CSNK2A2: variants seen among roughly 807,000 people sequenced by gnomAD.
CSNK2A2 encodes casein kinase 2 alpha 2.
Under a neutral mutation model 54.0 loss-of-function variants are expected in CSNK2A2, and 8 were observed. That is an observed-to-expected ratio of 0.15 (90% CI 0.09 to 0.27). The LOEUF is 0.27. Among genes scored for constraint, CSNK2A2 ranks in the 10% least tolerant of loss-of-function variants. The pLI, the probability that CSNK2A2 is intolerant of heterozygous loss-of-function variation, is 1.00. For missense variants in CSNK2A2, 242 were observed against 439.4 expected, an observed-to-expected ratio of 0.55 and a Z score of 4.02; for synonymous variants, 141 against 153.9, an observed-to-expected ratio of 0.92 and a Z score of 0.62.
At chr16:58,176,544 T>C (rs963402477) in intron 4 of CSNK2A2, among the ~76,000 whole-genome samples, 1 of 152,158 alleles carries the variant, frequency 6.6e-6, no homozygotes, top group Non-Finnish European at 1.5e-5. Context: ...GGCCCAAAAT[T>C]CAAGACTATG....
intron 4 of CSNK2A2, among the ~76,000 whole-genome samples, chr16:58,183,487 T>G (rs1003562272): frequency 2.6e-5 from 4 of 152,152 alleles, no homozygotes; most frequent in African/African-American, 9.7e-5. Context: ...CTAGCTCCTG[T>G]CACAACAAAA....
chr16:58,189,447 C>T (rs1962272373), intron 2 of CSNK2A2, among the ~76,000 whole-genome samples: 1 of 152,188 alleles, frequency 6.6e-6, no homozygotes, highest in African/African-American at 2.4e-5. Flanking sequence ...CTAATTCTAA[C>T]AGTACTCCTA....
chr16:58,168,996 G>A (rs577139089), intron 5 of CSNK2A2, among the ~76,000 whole-genome samples: 3 of 151,402 alleles, frequency 2.0e-5, no homozygotes, highest in East Asian at 2.0e-4. Context: ...GTGCAATCTC[G>A]GCTCACTGCA....
chr16:58,169,357 C>T lies in CSNK2A2; in HGVS notation c.430-664G>A, dbSNP rs534925986. Among the ~76,000 whole-genome samples, 8 of 151,942 alleles carry T rather than the reference C, an allele frequency of 5.3e-5. No homozygotes were observed. The East Asian group carries it at 7.9e-4, about 15-fold the overall frequency. On this transcript the variant is annotated intron_variant, in intron 5 of 11. Coordinates refer to ENST00000262506, the MANE Select transcript of CSNK2A2 (RefSeq NM_001896.4). ...GAGTTCGAGACTAGCCTGGGCAACA[C>T]GGCTATACTAAAAATACAAAAGTTA...
chr16:58,165,771 A>C (rs143547905), intron 9 of CSNK2A2, 63 bp from the exon 10 acceptor site: 1 of 1,542,712 alleles, frequency 6.5e-7, no homozygotes, highest in African/African-American at 1.4e-5. Flanking sequence ...CTTATCTACT[A>C]GGGCTAAAGC....
At chr16:58,163,550 C>T (rs769774697) in intron 11 of CSNK2A2, 8 of 152,088 alleles carry the variant, frequency 5.3e-5, no homozygotes, top group Admixed American at 4.6e-4. Flanking sequence ...ATACATAAAA[C>T]GTGGATTTGT....
chr16:58,179,905 C>T (rs1961985190), intron 4 of CSNK2A2, among the ~76,000 whole-genome samples: 2 of 151,792 alleles, frequency 1.3e-5, no homozygotes, highest in East Asian at 1.9e-4. Flanking sequence ...TGGTGAAACC[C>T]CGTCTGTACT....
At chr16:58,174,348 G>T in intron 5 of CSNK2A2, 103 bp downstream of exon 5, 1 of 754,326 alleles carries the variant, frequency 1.3e-6, no homozygotes, top group Non-Finnish European at 2.1e-6. Context: ...TAAATCCTCT[G>T]GGTATCAAGA....
At chr16:58,179,804 G>A (rs1961980114) in intron 4 of CSNK2A2, among the ~76,000 whole-genome samples, 1 of 152,094 alleles carries the variant, frequency 6.6e-6, no homozygotes, top group Non-Finnish European at 1.5e-5. Flanking sequence ...TCAAGGCCAG[G>A]CGTGGTGGCC....
chr16:58,192,006 T>G (rs1280740086), intron 2 of CSNK2A2, among the ~76,000 whole-genome samples: 1 of 152,126 alleles, frequency 6.6e-6, no homozygotes, highest in Non-Finnish European at 1.5e-5. Context: ...TAGGCCATAC[T>G]CTCTCAGGAA....
chr16:58,185,560 A>C (rs1213072755), intron 3 of CSNK2A2, among the ~76,000 whole-genome samples: 4 of 152,198 alleles, frequency 2.6e-5, no homozygotes, highest in Admixed American at 2.0e-4. Flanking sequence ...TCTGAAATTC[A>C]TATTTTTACA....
chr16:58,172,747 TAC>T (rs1437101925), intron 5 of CSNK2A2, among the ~76,000 whole-genome samples: 5 of 152,258 alleles, frequency 3.3e-5, no homozygotes, highest in Non-Finnish European at 5.9e-5. Context: ...TAAAATCTCG[TAC>T]AGTTTCTGAC....
intron 4 of CSNK2A2, among the ~76,000 whole-genome samples, chr16:58,182,402 A>C (rs1436098586): frequency 2.2e-5 from 3 of 136,404 alleles, no homozygotes; most frequent in East Asian, 4.1e-4. Context: ...AAAAAAAAAA[A>C]AAACTAGCCA....
chr16:58,181,480 G>C (rs1296292136), intron 4 of CSNK2A2, among the ~76,000 whole-genome samples: 1 of 152,132 alleles, frequency 6.6e-6, no homozygotes, highest in African/African-American at 2.4e-5. Flanking sequence ...TGGTTCTTTA[G>C]AGCAATGAGC....
At chr16:58,172,146 T>C (rs1487142640) in intron 5 of CSNK2A2, among the ~76,000 whole-genome samples, 1 of 150,500 alleles carries the variant, frequency 6.6e-6, no homozygotes, top group East Asian at 1.9e-4. Context: ...TGAATTTTAC[T>C]TAATTTAAAT....
At chr16:58,194,514 C>T (rs1293348637) in intron 2 of CSNK2A2, among the ~76,000 whole-genome samples, 2 of 152,182 alleles carry the variant, frequency 1.3e-5, no homozygotes, top group Non-Finnish European at 2.9e-5. Flanking sequence ...GTGGTTTAGG[C>T]TGCACTGTGA....
At chr16:58,177,541 A>G (rs1466351439) in intron 4 of CSNK2A2, among the ~76,000 whole-genome samples, 1 of 152,022 alleles carries the variant, frequency 6.6e-6, no homozygotes, top group African/African-American at 2.4e-5. Context: ...AGCTGTTCAG[A>G]CTCCAAGTGC....
chr16:58,175,971 C>A (rs1454355957), intron 4 of CSNK2A2, among the ~76,000 whole-genome samples: 1 of 152,186 alleles, frequency 6.6e-6, no homozygotes, highest in Non-Finnish European at 1.5e-5. Context: ...CTACATAACA[C>A]ACACCCAAGC....
At chr16:58,180,425 ATTCT>A (rs970120741) in intron 4 of CSNK2A2, among the ~76,000 whole-genome samples, 9 of 151,648 alleles carry the variant, frequency 5.9e-5, no homozygotes, top group African/African-American at 1.5e-4. Context: ...TCCTAAGAGA[ATTCT>A]TTGTCAATCA....
Sources: gnomAD v4.1 joint callset for allele counts (sites outside exome capture counted in the v4.1 genomes callset) on GRCh38, gnomAD v4.1.1 for gene constraint, MANE v1.5 for transcripts, NCBI Gene and HGNC (gene_info 2026-07-23, HGNC 2026-07-21) for gene names.